The following ZFPM1 variants were observed in gnomAD, a reference collection of about 807,000 sequenced individuals.
The protein encoded by ZFPM1 is zinc finger protein ZFPM1.
A neutral mutation model predicts 46.3 loss-of-function variants in ZFPM1; 28 were observed. The ratio of observed to expected loss-of-function variants is 0.60; its 90% CI spans 0.45 to 0.83. The LOEUF (loss-of-function observed/expected upper bound fraction) is 0.83, where lower values mean the gene tolerates loss of function less well. Ranked by LOEUF, ZFPM1 falls within the 40% of genes least tolerant of loss-of-function variation. ZFPM1 has a pLI of 0.00. For missense variants in ZFPM1, 1,878 were observed against 1,432.4 expected (o/e 1.31, Z -5.02); for synonymous variants, 957 against 675.9 (o/e 1.42, Z -6.45).
At chr16:88,455,864 G>A (rs1398896019) in intron 1 of ZFPM1, among the ~76,000 whole-genome samples, 1 of 152,210 alleles carries the variant, frequency 6.6e-6, no homozygotes, top group African/African-American at 2.4e-5. Flanking sequence ...GGGAGCGCGG[G>A]GCCGGGGCAG....
chr16:88,494,478 C>G (rs1909813961), intron 3 of ZFPM1, among the ~76,000 whole-genome samples: 1 of 152,088 alleles, frequency 6.6e-6, no homozygotes, highest in Non-Finnish European at 1.5e-5. Flanking sequence ...CAGAGCCTCC[C>G]GTCACAGGGA....
chr16:88,504,950 C>T (rs1910568205), intron 3 of ZFPM1, among the ~76,000 whole-genome samples: 2 of 152,204 alleles, frequency 1.3e-5, no homozygotes, highest in South Asian at 4.1e-4. Context: ...AGCTGGGCCC[C>T]ACCCTGCCCT....
chr16:88,460,262 C>G (rs1437656246), intron 1 of ZFPM1, among the ~76,000 whole-genome samples: 1 of 152,132 alleles, frequency 6.6e-6, no homozygotes, highest in Non-Finnish European at 1.5e-5. Flanking sequence ...ATCGAGGGTC[C>G]CCAGCCTACT....
chr16:88,534,755 C>T lies in ZFPM1; in HGVS notation c.2797C>T (p.Pro933Ser), dbSNP rs573549270. ...GCCCCAGGAGCCGCCGCCCGGCCCG[C>T]CCCCGTCCCCGGCCGCCGCGCCCGA... ...PEPQEPPPGPPPSPAAAPEAV... is the reference protein window; with the variant it reads ...PEPQEPPPGPSPSPAAAPEAV... Residue 933 changes from proline to serine, a missense_variant, in exon 10 of 10, where the codon CCC (proline) becomes TCC (serine). By Grantham distance (74) the Pro-to-Ser change is moderately conservative. Transcript: ENST00000319555. The T allele has an allele frequency of 6.3e-5, 66 of 1,055,104 alleles. No individual in the cohort carries two copies. Among genetic ancestry groups the T allele is most frequent in the African/African-American group, 2.2e-4 (13 of 58,318 alleles). 65.4% of individuals were successfully genotyped at this position (1,055,104 alleles called of 1,614,324 possible).
chr16:88,489,657 C>T (rs577205890), intron 3 of ZFPM1, among the ~76,000 whole-genome samples: 91 of 152,220 alleles, frequency 6.0e-4, no homozygotes, highest in Non-Finnish European at 1.1e-3. Flanking sequence ...ACATACCCCG[C>T]GGGGCCTGGG....
chr16:88,503,710 C>G (rs55715616), intron 3 of ZFPM1, among the ~76,000 whole-genome samples: 10,881 of 152,246 alleles, frequency 0.071, 423 homozygotes, highest in South Asian at 0.11. Flanking sequence ...GAAGAGGAGA[C>G]ACATTCACAG....
chr16:88,490,092 C>T (rs1375535726), intron 3 of ZFPM1, among the ~76,000 whole-genome samples: 1 of 150,508 alleles, frequency 6.6e-6, no homozygotes, highest in African/African-American at 2.4e-5. Flanking sequence ...CTCACTCTGT[C>T]GCCCAGGCTG....
chr16:88,461,666 C>G (rs1338117250), intron 1 of ZFPM1, among the ~76,000 whole-genome samples: 1 of 152,152 alleles, frequency 6.6e-6, no homozygotes, highest in African/African-American at 2.4e-5. Context: ...TGCCAAAAGC[C>G]CTGAGGGTTG....
At chr16:88,485,360 G>A (rs921306874) in intron 1 of ZFPM1, among the ~76,000 whole-genome samples, 2 of 152,108 alleles carry the variant, frequency 1.3e-5, no homozygotes, top group South Asian at 2.1e-4. Context: ...CAAGGGTCAC[G>A]GCAGGTAAGG....
intron 5 of ZFPM1, 43 bp downstream of exon 5, chr16:88,526,959 TG>T: frequency 1.3e-6 from 2 of 1,530,536 alleles, no homozygotes; most frequent in South Asian, 1.2e-5. Context: ...TTCCGGAAGG[TG>T]GGGGTCACTT....
chr16:88,514,660 G>A (rs997012539), intron 4 of ZFPM1, 140 bp downstream of exon 4: 2 of 1,203,870 alleles, frequency 1.7e-6, no homozygotes, highest in South Asian at 1.6e-5. Context: ...GGACCTGGAG[G>A]ATAGGGAGGG....
chr16:88,498,835 C>A (rs1314464903), intron 3 of ZFPM1, among the ~76,000 whole-genome samples: 1 of 152,224 alleles, frequency 6.6e-6, no homozygotes, highest in East Asian at 1.9e-4. Context: ...TCTGGCTGGC[C>A]TGACCCTGGG....
chr16:88,527,708 G>A (rs1597284015), intron 5 of ZFPM1, among the ~76,000 whole-genome samples: 1 of 151,922 alleles, frequency 6.6e-6, no homozygotes, highest in Admixed American at 6.5e-5. Context: ...CCCCACCTCT[G>A]GCTGCCGTCC....
intron 2 of ZFPM1, among the ~76,000 whole-genome samples, chr16:88,488,600 C>T (rs868443981): frequency 1.1e-4 from 16 of 152,026 alleles, no homozygotes; most frequent in Non-Finnish European, 1.6e-4. Context: ...TTTATGGGAT[C>T]GCATCGATCG....
chr16:88,533,017 G>C, intron 9 of ZFPM1, 82 bp downstream of exon 9: 2 of 1,567,600 alleles, frequency 1.3e-6, no homozygotes, highest in Non-Finnish European at 1.7e-6. Context: ...CCCAAGACAG[G>C]TGGGGGTCCG....
chr16:88,487,588 C>G (rs1909304242), intron 2 of ZFPM1, among the ~76,000 whole-genome samples: 1 of 152,068 alleles, frequency 6.6e-6, no homozygotes, highest in South Asian at 2.1e-4. Context: ...GGTGGAGATC[C>G]CAGGCAGACC....
intron 3 of ZFPM1, among the ~76,000 whole-genome samples, chr16:88,494,755 G>GCAGCAGGAGGAGC (rs1453590815): frequency 2.6e-5 from 4 of 152,066 alleles, no homozygotes; most frequent in African/African-American, 9.7e-5. Context: ...CTCCAGTGAG[G>GCAGCAGGAGGAGC]CAGCAGGAGG....
At chr16:88,516,233 G>A (rs1018677360) in intron 4 of ZFPM1, 1 of 398,502 alleles carries the variant, frequency 2.5e-6, no homozygotes. Context: ...GCTCCTTAAT[G>A]GTAGGGCTGA....
rs1332553948 is a variant in ZFPM1, at chr16:88,471,309, G to T, written c.41-14630G>T. ...CGAAGGCCAGCGGCCGCAGGGTCTG[G>T]CTTGGGCTATAGCATCTAGGCTCTG... On this transcript the variant is annotated intron_variant, in intron 1 of 9. Transcript: ENST00000319555. The surrounding 1 kb of genome is among the most constrained non-coding windows in gnomAD (Gnocchi z 4.1). 6.6e-6 allele frequency among the ~76,000 whole-genome samples: 1 copy of T among 152,266 alleles called. No individual in the cohort carries two copies.
Sources: allele counts gnomAD v4.1 joint callset (sites outside exome capture counted in the v4.1 genomes callset), GRCh38; gene constraint gnomAD v4.1.1; non-coding constraint Gnocchi (gnomAD v3.1); transcripts MANE v1.5; gene names NCBI Gene and HGNC (gene_info 2026-07-23, HGNC 2026-07-21).